Variants in UNC5C observed in about 807,000 individuals in gnomAD.
UNC5C encodes the protein netrin receptor UNC5C.
In UNC5C, 47 loss-of-function variants were observed where a neutral mutation model predicts 99.8. The observed-to-expected ratio is 0.47, with a 90% CI of 0.37 to 0.60. UNC5C has a LOEUF of 0.60. Ranked by LOEUF, UNC5C falls within the 20% of genes least tolerant of loss-of-function variation. UNC5C has a pLI of 0.00. For synonymous variants in UNC5C, 487 were observed against 452.2 expected (o/e 1.08, Z -0.98); for missense variants, 1,062 against 1,165.9 (o/e 0.91, Z 1.30).
chr4:95,328,040 CTTT>C (rs34794058), intron 2 of UNC5C, among the ~76,000 whole-genome samples: 8 of 87,098 alleles, frequency 9.2e-5, no homozygotes, highest in South Asian at 5.2e-4. Context: ...CAGGCAACTT[CTTT>C]TTTTTTTTTT....
At chr4:95,261,302 C>T (rs1437521130) in intron 4 of UNC5C, among the ~76,000 whole-genome samples, 3 of 152,136 alleles carry the variant, frequency 2.0e-5, no homozygotes. Flanking sequence ...CCCTGTCACT[C>T]ATAGGACCAA....
At chr4:95,512,688 T>C (rs1722111172) in intron 1 of UNC5C, among the ~76,000 whole-genome samples, 1 of 152,182 alleles carries the variant, frequency 6.6e-6, no homozygotes. Flanking sequence ...AAAGATTTAT[T>C]ATATGCAATT....
At chr4:95,246,903 G>A (rs2149380409) in intron 5 of UNC5C, among the ~76,000 whole-genome samples, 1 of 152,086 alleles carries the variant, frequency 6.6e-6, no homozygotes, top group African/African-American at 2.4e-5. Context: ...TTAACCAGGT[G>A]TGATGGCACA....
intron 1 of UNC5C, among the ~76,000 whole-genome samples, chr4:95,361,361 A>T (rs1319348409): frequency 6.6e-6 from 1 of 152,216 alleles, no homozygotes; most frequent in Non-Finnish European, 1.5e-5. Flanking sequence ...CTTCTTCTGC[A>T]TGCGTTCAAC....
chr4:95,265,936 A>G (rs552914088), intron 4 of UNC5C, among the ~76,000 whole-genome samples: 1 of 152,312 alleles, frequency 6.6e-6, no homozygotes, highest in South Asian at 2.1e-4. Flanking sequence ...GAGACAGTCA[A>G]TAAGTGTAAT....
intron 4 of UNC5C, among the ~76,000 whole-genome samples, chr4:95,257,913 G>A (rs1740067943): frequency 6.6e-6 from 1 of 152,192 alleles, no homozygotes; most frequent in African/African-American, 2.4e-5. Context: ...AAATGATAAA[G>A]CGTTAATAAA....
intron 7 of UNC5C, among the ~76,000 whole-genome samples, chr4:95,232,176 TTA>T (rs1738937684): frequency 6.6e-6 from 1 of 151,600 alleles, no homozygotes; most frequent in African/African-American, 2.4e-5. Context: ...TCAAGTGTTT[TTA>T]TATGTGTTAT....
At chr4:95,209,716 G>A (rs1738011932) in intron 10 of UNC5C, among the ~76,000 whole-genome samples, 1 of 152,096 alleles carries the variant, frequency 6.6e-6, no homozygotes, top group African/African-American at 2.4e-5. Context: ...CCTTCTTCCA[G>A]TCTGAAATTC....
chr4:95,416,350 C>A (rs964121875), intron 1 of UNC5C, among the ~76,000 whole-genome samples: 1 of 151,984 alleles, frequency 6.6e-6, no homozygotes. Context: ...TAGTTTAAGA[C>A]AGGTTCATTC....
intron 1 of UNC5C, among the ~76,000 whole-genome samples, chr4:95,374,009 AAAT>A (rs1330989836): frequency 6.6e-6 from 1 of 152,112 alleles, no homozygotes. Flanking sequence ...ATTAGCCCTT[AAAT>A]TACATTATAA....
intron 2 of UNC5C, among the ~76,000 whole-genome samples, chr4:95,320,248 C>T (rs528946462): frequency 1.3e-5 from 2 of 151,948 alleles, no homozygotes; most frequent in African/African-American, 4.8e-5. Context: ...ATGGTAAAAC[C>T]TCGTCTCTAC....
chr4:95,302,725 G>C (rs1277527393), intron 2 of UNC5C, among the ~76,000 whole-genome samples: 1 of 152,054 alleles, frequency 6.6e-6, no homozygotes, highest in Non-Finnish European at 1.5e-5. Flanking sequence ...ATATTGTTTT[G>C]CACTATTCAT....
At chr4:95,441,733 CATT>C (rs1012666414) in intron 1 of UNC5C, among the ~76,000 whole-genome samples, 1 of 152,138 alleles carries the variant, frequency 6.6e-6, no homozygotes, top group African/African-American at 2.4e-5. Flanking sequence ...AGACCTGTAT[CATT>C]ATCACTGTTT....
chr4:95,291,613 G>A (rs1741453705), intron 3 of UNC5C, among the ~76,000 whole-genome samples: 1 of 152,000 alleles, frequency 6.6e-6, no homozygotes, highest in African/African-American at 2.4e-5. Flanking sequence ...CATGAAACTT[G>A]GGAACTTCTG....
intron 1 of UNC5C, among the ~76,000 whole-genome samples, chr4:95,392,718 G>T (rs1579379356): frequency 1.3e-5 from 2 of 152,148 alleles, no homozygotes; most frequent in South Asian, 4.2e-4. Context: ...TGGGATTACA[G>T]GTATGAGCCA....
At chr4:95,200,013 C>A (rs1737592537) in intron 12 of UNC5C, among the ~76,000 whole-genome samples, 1 of 152,152 alleles carries the variant, frequency 6.6e-6, no homozygotes, top group African/African-American at 2.4e-5. Context: ...TGCGCTGACC[C>A]AAGAGGTCTC....
At chr4:95,313,739 G>A (rs1444939979) in intron 2 of UNC5C, among the ~76,000 whole-genome samples, 1 of 152,080 alleles carries the variant, frequency 6.6e-6, no homozygotes, top group Admixed American at 6.6e-5. Context: ...TAATCTTAAT[G>A]CAACTTTAAA....
At chr4:95,431,858 T>C (rs1006976801) in intron 1 of UNC5C, among the ~76,000 whole-genome samples, 1 of 152,072 alleles carries the variant, frequency 6.6e-6, no homozygotes, top group Admixed American at 6.6e-5. Context: ...TCAGTGATAA[T>C]GATGATGATA....
At chr4:95,309,530 C>T (rs1393736366) in intron 2 of UNC5C, among the ~76,000 whole-genome samples, 1 of 152,028 alleles carries the variant, frequency 6.6e-6, no homozygotes, top group Non-Finnish European at 1.5e-5. Context: ...GTAAACCATA[C>T]ATCTGATAAA....
Sources: gnomAD v4.1 joint callset for allele counts (sites outside exome capture counted in the v4.1 genomes callset) on GRCh38, gnomAD v4.1.1 for gene constraint, MANE v1.5 for transcripts, NCBI Gene and HGNC (gene_info 2026-07-23, HGNC 2026-07-21) for gene names.